ADAMTS12: variants seen among roughly 807,000 people sequenced by gnomAD.
The protein encoded by ADAMTS12 is ADAM metallopeptidase with thrombospondin type 1 motif 12, also known as A disintegrin and metalloproteinase with thrombospondin motifs 12.
Under a neutral mutation model 167.8 loss-of-function variants are expected in ADAMTS12, and 118 were observed. The observed-to-expected ratio is 0.70, with a 90% CI of 0.61 to 0.82. The LOEUF is 0.82. Ranked by LOEUF, ADAMTS12 falls within the 40% of genes least tolerant of loss-of-function variation. The pLI is 0.00. For missense variants in ADAMTS12, 1,916 were observed against 1,998.8 expected, an observed-to-expected ratio of 0.96 and a Z score of 0.79; for synonymous variants, 704 against 716.9, an observed-to-expected ratio of 0.98 and a Z score of 0.29.
At chr5:33,634,371 G>C (rs1173421421) in intron 12 of ADAMTS12, among the ~76,000 whole-genome samples, 1 of 152,098 alleles carries the variant, frequency 6.6e-6, no homozygotes, top group African/African-American at 2.4e-5. Context: ...TGTTCGGTAA[G>C]GGAAGGCCAA....
At chr5:33,849,129 ATATATATATGTATTG>A (rs1287492707) in intron 2 of ADAMTS12, among the ~76,000 whole-genome samples, 7 of 64,628 alleles carry the variant, frequency 1.1e-4, no homozygotes, top group Non-Finnish European at 2.1e-4. Context: ...GCATAGCAAT[ATATATATATGTATTG>A]CATAGCAATA....
intron 8 of ADAMTS12, 116 bp from the exon 9 acceptor site, chr5:33,649,082 T>C (rs1740783773): frequency 1.5e-6 from 2 of 1,293,444 alleles, no homozygotes; most frequent in African/African-American, 3.0e-5. Context: ...ACAACTTTAT[T>C]TTTTACAAGG....
chr5:33,569,559 C>A (rs1019887656), intron 19 of ADAMTS12, among the ~76,000 whole-genome samples: 1 of 152,182 alleles, frequency 6.6e-6, no homozygotes, highest in African/African-American at 2.4e-5. Flanking sequence ...GGAAAACTAA[C>A]AAACAGAAAG....
intron 3 of ADAMTS12, among the ~76,000 whole-genome samples, chr5:33,714,505 C>T (rs934037494): frequency 2.6e-5 from 4 of 152,028 alleles, no homozygotes; most frequent in African/African-American, 9.7e-5. Flanking sequence ...CACCCCATGT[C>T]TATTTCAGCA....
intron 22 of ADAMTS12, among the ~76,000 whole-genome samples, chr5:33,542,176 C>G (rs1044073938): frequency 2.6e-5 from 4 of 151,700 alleles, no homozygotes; most frequent in Admixed American, 1.3e-4. Flanking sequence ...AAAAAAAAAG[C>G]AGGGGTTGCA....
chr5:33,583,979 T>C (rs1747206732), intron 18 of ADAMTS12, among the ~76,000 whole-genome samples: 1 of 152,162 alleles, frequency 6.6e-6, no homozygotes, highest in African/African-American at 2.4e-5. Flanking sequence ...ACACAAAACA[T>C]TTCTTATGAA....
chr5:33,754,746 C>T (rs566845292), intron 2 of ADAMTS12, among the ~76,000 whole-genome samples: 2 of 152,176 alleles, frequency 1.3e-5, no homozygotes, highest in Admixed American at 1.3e-4. Flanking sequence ...ATCCCAGCTA[C>T]TTGGGAGGCT....
At chr5:33,773,096 A>T (rs1022340216) in intron 2 of ADAMTS12, among the ~76,000 whole-genome samples, 3 of 152,212 alleles carry the variant, frequency 2.0e-5, no homozygotes, top group East Asian at 3.9e-4. Context: ...GGATTCTTGA[A>T]CACATGAGCT....
rs80185923 is a variant in ADAMTS12, at chr5:33,666,432, C to T, written c.916-4392G>A. ...TTTATCATAGATAAGGAACAAATCT[C>T]TGGGGTGGCTCCTCTCGATTCCCTA... On this transcript the variant is annotated intron_variant, in intron 5 of 23. Transcript: ENST00000504830. Among the ~76,000 whole-genome samples, 712 of 152,322 alleles carry T rather than the reference C, an allele frequency of 4.7e-3. 12 individuals carry two copies. Among genetic ancestry groups the T allele is most frequent in the African/African-American group, 0.016 (677 of 41,578 alleles).
intron 3 of ADAMTS12, among the ~76,000 whole-genome samples, chr5:33,739,803 TG>T (rs1422990676): frequency 5.3e-5 from 8 of 152,026 alleles, no homozygotes; most frequent in African/African-American, 1.9e-4. Context: ...CTGTTAGGGA[TG>T]GGGCAAGGGT....
At chr5:33,691,467 C>A (rs1465927904) in intron 3 of ADAMTS12, among the ~76,000 whole-genome samples, 1 of 152,172 alleles carries the variant, frequency 6.6e-6, no homozygotes, top group Admixed American at 6.5e-5. Flanking sequence ...AAGTCTTATC[C>A]AGGAACCATA....
intron 5 of ADAMTS12, among the ~76,000 whole-genome samples, chr5:33,669,916 A>C (rs956545607): frequency 1.3e-5 from 2 of 152,090 alleles, no homozygotes; most frequent in African/African-American, 4.8e-5. Context: ...TAGAAAAAAA[A>C]CATAGAAAAT....
chr5:33,609,293 G>A (rs1169570252), intron 16 of ADAMTS12, among the ~76,000 whole-genome samples: 1 of 151,212 alleles, frequency 6.6e-6, no homozygotes, highest in Non-Finnish European at 1.5e-5. Context: ...GGATAGAAAA[G>A]TATTTTTAGT....
In ADAMTS12 at chr5:33,565,997, A is replaced by G. The variant is rs190802354; in HGVS notation, c.3973-4818T>C. ...TCCACAACTGCTCTGGGTTTTGGTG[A>G]TGAATGAAAAGTGAAGAGGATGGGG... On this transcript the variant is annotated intron_variant, in intron 19 of 23. Coordinates refer to ENST00000504830, the MANE Select transcript of ADAMTS12 (RefSeq NM_030955.4). Among the ~76,000 whole-genome samples the G allele has an allele frequency of 2.0e-3, 298 of 152,296 alleles. 4 individuals carry two copies. The highest frequency in any genetic ancestry group is 0.017 in the Admixed American group (261 of 15,300).
chr5:33,722,016 C>T (rs752345387), intron 3 of ADAMTS12, among the ~76,000 whole-genome samples: 14 of 152,288 alleles, frequency 9.2e-5, no homozygotes, highest in Middle Eastern at 3.4e-3. Flanking sequence ...TTTGACAAGG[C>T]TTCTTCCTTA....
intron 14 of ADAMTS12, among the ~76,000 whole-genome samples, chr5:33,623,225 T>C (rs938346564): frequency 9.2e-5 from 14 of 152,180 alleles, no homozygotes; most frequent in African/African-American, 3.4e-4. Context: ...GTCCTGGGCA[T>C]CAACCCTGTG....
intron 2 of ADAMTS12, among the ~76,000 whole-genome samples, chr5:33,846,854 G>A (rs968509860): frequency 1.3e-5 from 2 of 152,150 alleles, no homozygotes; most frequent in Admixed American, 1.3e-4. Flanking sequence ...AAATAAAATT[G>A]CACACCAATT....
chr5:33,890,145 C>A (rs1052729009), intron 1 of ADAMTS12, among the ~76,000 whole-genome samples: 1 of 152,114 alleles, frequency 6.6e-6, no homozygotes, highest in African/African-American at 2.4e-5. Context: ...CTGCTTCACA[C>A]CAAGCTGAAT....
chr5:33,596,151 G>C lies in ADAMTS12; in HGVS notation c.2528-91C>G. On this transcript the variant is annotated intron_variant, in intron 16 of 23. Transcript: ENST00000504830. ...GGTACCTGACCACGTCAACGATCAT[G>C]CTGACGGCTGATGGGAAAGTTGTTC... The C allele has an allele frequency of 5.4e-6, 8 of 1,480,842 alleles. No individual in the cohort carries two copies. The South Asian group carries it at 1.1e-4, about 20-fold the overall frequency. The allele number at this position is 1,480,842 out of a possible 1,614,324, so 91.7% of individuals were successfully genotyped here.
Sources: gnomAD v4.1 joint callset for allele counts (sites outside exome capture counted in the v4.1 genomes callset) on GRCh38, gnomAD v4.1.1 for gene constraint, MANE v1.5 for transcripts, NCBI Gene and HGNC (gene_info 2026-07-23, HGNC 2026-07-21) for gene names.